SLC30A2: variants seen among roughly 807,000 people sequenced by gnomAD.
SLC30A2 encodes proton-coupled zinc antiporter SLC30A2.
A neutral mutation model predicts 39.6 loss-of-function variants in SLC30A2; 19 were observed. The observed-to-expected ratio is 0.48, with a 90% CI of 0.34 to 0.70. SLC30A2 has a LOEUF of 0.70. SLC30A2 is among the 30% of genes least tolerant of loss of function. The probability of loss-of-function intolerance (pLI) is 0.01; values close to 1 mark genes in which losing one functional copy is unlikely to be tolerated. For synonymous variants in SLC30A2, 195 were observed against 194.8 expected, an observed-to-expected ratio of 1.00 and a Z score of -0.01; for missense variants, 387 against 479.4, an observed-to-expected ratio of 0.81 and a Z score of 1.80.
At chr1:26,040,299 A>C (rs1352521808) in intron 6 of SLC30A2, among the ~76,000 whole-genome samples, 1 of 152,012 alleles carries the variant, frequency 6.6e-6, no homozygotes, top group Non-Finnish European at 1.5e-5. Flanking sequence ...CCCAGGCTGG[A>C]GTGCAGTGGC....
At position 26,046,018 on chromosome 1, in the gene SLC30A2, A is replaced by G; in HGVS notation, c.-122T>C. On this transcript the variant is annotated 5_prime_UTR_variant, in exon 1 of 8. Coordinates refer to ENST00000374276, the MANE Select transcript of SLC30A2 (RefSeq NM_001004434.3). This position sits in a 1 kb window ranked among gnomAD's most constrained non-coding sequence, Gnocchi z 4.4. ...CCCGAGGGCCCCGCGAGGTGCGCTC[A>G]CTCCGGCCCGGCTCCTGCGGCCCCT... The G allele has an allele frequency of 1.4e-6, 2 of 1,408,102 alleles. No homozygotes were observed. Among genetic ancestry groups the G allele is most frequent in the Non-Finnish European group, 1.8e-6 (2 of 1,092,246 alleles). The allele number at this position is 1,408,102 out of a possible 1,614,324, so 87.2% of individuals were successfully genotyped here.
At position 26,043,462 on chromosome 1, in the gene SLC30A2, C is replaced by T; in HGVS notation, c.508G>A (p.Asp170Asn). ...ATGGTCCCCCCGTCAATTTCATAGT[C>T]CCCAGAGATCAGCCGCTCCACAGCC... ...YLAVERLISGDYEIDGGTMLI... is the reference protein window; with the variant it reads ...YLAVERLISGNYEIDGGTMLI... Residue 170 changes from aspartate (D) to asparagine (N), a missense_variant, in exon 4 of 8, where the codon GAC becomes AAC. Asp to Asn is a conservative substitution (Grantham distance 23). Coordinates refer to ENST00000374276, the MANE Select transcript of SLC30A2 (RefSeq NM_001004434.3). The T allele has an allele frequency of 6.2e-7, 1 of 1,614,138 alleles. No individual in the cohort carries two copies. The highest frequency in any genetic ancestry group is 2.2e-5 in the East Asian group (1 of 44,880).
rs570011804 is a variant in SLC30A2 at position 26,040,726 on chromosome 1, A to T, written c.839-815T>A. Among the ~76,000 whole-genome samples, 6 of 152,208 alleles carry T rather than the reference A, an allele frequency of 3.9e-5. No individual in the cohort carries two copies. The East Asian group carries it at 9.7e-4, about 25-fold the overall frequency. ...TAAGCCCAGGCCAGCATCCTACTCCATTCCAGACTGACCCTGACCACGCAG... is the reference window on the plus strand; with the variant it reads ...TAAGCCCAGGCCAGCATCCTACTCCTTTCCAGACTGACCCTGACCACGCAG... On this transcript the variant is annotated intron_variant, in intron 6 of 7. Transcript: ENST00000374276.
Position 26,041,794 on chromosome 1 carries a change from C to T in SLC30A2, c.744G>A (p.Lys248=), listed in dbSNP as rs750412254. The T allele has an allele frequency of 1.9e-6, 3 of 1,609,692 alleles. No individual in the cohort carries two copies. Among genetic ancestry groups the T allele is most frequent in the Admixed American group, 1.7e-5 (1 of 59,974 alleles). ...CGAAGGTGCAGATGGGGTCTACATA[C>T]TTGTATTCTGGCTGCAGGAAGACAG... ...AYILYFKPEY[K]YVDPICTFVF... is the part of the protein sequence containing the mutation. The change falls in exon 6 of 8, where the codon AAG becomes AAA. Residue 248 remains lysine (K), a synonymous_variant. Transcript: ENST00000374276.
At chr1:26,044,571 T>C in intron 2 of SLC30A2, 127 bp from the exon 3 acceptor site, 1 of 872,180 alleles carries the variant, frequency 1.1e-6, no homozygotes, top group Non-Finnish European at 1.7e-6. Context: ...CCATGAGCTG[T>C]ACCACCGTGA....
At chr1:26,044,798 G>A (rs2050440248) in intron 2 of SLC30A2, among the ~76,000 whole-genome samples, 199 bp downstream of exon 2, 1 of 152,248 alleles carries the variant, frequency 6.6e-6, no homozygotes, top group Non-Finnish European at 1.5e-5. Context: ...ACATGCCTCA[G>A]TTTCATCATC....
chr1:26,045,459 GCGTGCTGT>G, intron 1 of SLC30A2: 1 of 598,482 alleles, frequency 1.7e-6, no homozygotes, highest in Non-Finnish European at 3.0e-6. Context: ...CGGCCAAGGG[GCGTGCTGT>G]CCAGTGGAGC....
intron 1 of SLC30A2, 107 bp downstream of exon 1, chr1:26,045,740 G>GGTCC: frequency 6.4e-7 from 1 of 1,564,110 alleles, no homozygotes; most frequent in Non-Finnish European, 8.7e-7. Flanking sequence ...CCTCCTGCAT[G>GGTCC]GTCCCAGCTC....
At position 26,041,825 on chromosome 1, in the gene SLC30A2, C is replaced by G. The variant is rs756549333; in HGVS notation, c.733-20G>C. 8.1e-6 allele frequency: 12 copies of G among 1,477,512 alleles called. No homozygotes were observed. In the Admixed American group the frequency reaches 1.9e-4, roughly 23 times the overall value. The allele number at this position is 1,477,512 out of a possible 1,614,324, so 91.5% of individuals were successfully genotyped here. The stretch of plus-strand genomic sequence containing the variant: ...TTCTGGCTGCAGGAAGACAGGAAGG[C>G]AGACCTGGAGTTCACCATCTAACAC... On this transcript the variant is annotated intron_variant, in intron 5 of 7. Transcript: ENST00000374276.
rs533452101 is a variant in SLC30A2, at chr1:26,040,607, C to T, written c.839-696G>A. 3.9e-5 allele frequency among the ~76,000 whole-genome samples: 6 copies of T among 152,164 alleles called. No individual in the cohort carries two copies. The South Asian group carries it at 6.2e-4, about 16-fold the overall frequency. ...AACAGATCCTGAGAATCCTTGGACC[C>T]ACCCAGGGCACGATCATCATCTTCA... On this transcript the variant is annotated intron_variant, in intron 6 of 7. Coordinates refer to ENST00000374276, the MANE Select transcript of SLC30A2 (RefSeq NM_001004434.3).
At chr1:26,040,525 A>G (rs2050384150) in intron 6 of SLC30A2, among the ~76,000 whole-genome samples, 1 of 152,188 alleles carries the variant, frequency 6.6e-6, no homozygotes, top group African/African-American at 2.4e-5. Context: ...CTGGGATTAC[A>G]GGTGTGAGCC....
chr1:26,044,717 T>A (rs2050439348), intron 2 of SLC30A2, among the ~76,000 whole-genome samples: 1 of 152,226 alleles, frequency 6.6e-6, no homozygotes, highest in Non-Finnish European at 1.5e-5. Flanking sequence ...TAAATGCTCT[T>A]CCCTTCTAGG....
intron 4 of SLC30A2, 90 bp from the exon 5 acceptor site, chr1:26,042,798 C>T (rs947491715): frequency 1.2e-5 from 15 of 1,222,532 alleles, no homozygotes; most frequent in Admixed American, 6.5e-5. Flanking sequence ...GCAAAAATCT[C>T]AAGCCCCTAA....
chr1:26,043,667 C>A, intron 3 of SLC30A2, 116 bp from the exon 4 acceptor site: 1 of 1,068,306 alleles, frequency 9.4e-7, no homozygotes, highest in Non-Finnish European at 1.3e-6. Flanking sequence ...GGGCCTGGGT[C>A]CCACTGGGCT....
chr1:26,040,916 A>AC (rs57176480), intron 6 of SLC30A2, among the ~76,000 whole-genome samples: 9,504 of 146,228 alleles, frequency 0.065, 960 homozygotes, highest in African/African-American at 0.22. Flanking sequence ...ACATAGTGAG[A>AC]CCCCCCCCCC....
In SLC30A2 at chr1:26,041,700, C is replaced by T; in HGVS notation, c.838G>A (p.Gly280Arg). The change falls in exon 6 of 8, where the codon GGG becomes AGG. Residue 280 changes from glycine (G) to arginine (R), a missense_variant and splice_region_variant. Coordinates refer to ENST00000374276, the MANE Select transcript of SLC30A2 (RefSeq NM_001004434.3). ...LRDVILVLME[G>R]TPKGVDFTAV... ...AAGGGAGCCACAAAGCCCAGGTTAC[C>T]TTCCATCAACACCAGGATCACATCT... 1 of 1,598,992 alleles carries T rather than the reference C, an allele frequency of 6.3e-7. No homozygotes were observed. The highest frequency in any genetic ancestry group is 8.6e-7 in the Non-Finnish European group (1 of 1,166,292).
In SLC30A2 at chr1:26,039,441, T is replaced by C; in HGVS notation, c.974-136A>G. ...AACATGGAGAAGCCCCCAGATTCCA[T>C]TCCTCTGCCAGGTAGCCTCCCAGCC... On this transcript the variant is annotated intron_variant, in intron 7 of 7. Coordinates refer to ENST00000374276, the MANE Select transcript of SLC30A2 (RefSeq NM_001004434.3). This position sits in a 1 kb window ranked among gnomAD's most constrained non-coding sequence, Gnocchi z 4.3. 1.4e-6 allele frequency: 1 copy of C among 707,820 alleles called. No individual in the cohort carries two copies. The highest frequency in any genetic ancestry group is 2.3e-6 in the Non-Finnish European group (1 of 431,792). The allele number at this position is 707,820 out of a possible 1,614,324, so 43.8% of individuals were successfully genotyped here.
At chr1:26,040,924 C>CCCG (rs1553143486) in intron 6 of SLC30A2, among the ~76,000 whole-genome samples, 3 of 151,300 alleles carry the variant, frequency 2.0e-5, no homozygotes, top group Non-Finnish European at 4.4e-5. Context: ...AGACCCCCCC[C>CCCG]CCATCTCTAC....
In SLC30A2 at chr1:26,037,718, C is replaced by T. The variant is rs1451347261; in HGVS notation, c.*1442G>A. 6.6e-6 allele frequency: 1 copy of T among 152,282 alleles called. No individual in the cohort carries two copies. Among genetic ancestry groups the T allele is most frequent in the East Asian group, 1.9e-4 (1 of 5,204 alleles). 9.4% of individuals were successfully genotyped at this position (152,282 alleles called of 1,614,324 possible). A position where few individuals can be genotyped will look rare whatever the true frequency, so the allele number is the denominator to read the frequency against. Reference sequence around the variant, plus strand: ...CCACCCCTCTCCAGGCCAGTGCTTTCCACAGACTTTTCACAGACCTGGAGG... The same window carrying T: ...CCACCCCTCTCCAGGCCAGTGCTTTTCACAGACTTTTCACAGACCTGGAGG... On this transcript the variant is annotated 3_prime_UTR_variant, in exon 8 of 8. Coordinates refer to ENST00000374276, the MANE Select transcript of SLC30A2 (RefSeq NM_001004434.3).
Sources: gnomAD v4.1 joint callset for allele counts (sites outside exome capture counted in the v4.1 genomes callset) on GRCh38, gnomAD v4.1.1 for gene constraint, Gnocchi (gnomAD v3.1) non-coding constraint, MANE v1.5 for transcripts, NCBI Gene and HGNC (gene_info 2026-07-23, HGNC 2026-07-21) for gene names.